Variants in SNTG1 observed in about 807,000 individuals in gnomAD.
SNTG1 encodes the protein gamma-1-syntrophin.
Under a neutral mutation model 74.7 loss-of-function variants are expected in SNTG1, and 39 were observed. The ratio of observed to expected loss-of-function variants is 0.52; its 90% confidence interval spans 0.40 to 0.68. SNTG1 has a LOEUF of 0.68. Ranked by LOEUF, SNTG1 falls within the 30% of genes least tolerant of loss-of-function variation. SNTG1 has a pLI of 0.00. For synonymous variants in SNTG1, 254 were observed against 217.1 expected, an observed-to-expected ratio of 1.17 and a Z score of -1.49; for missense variants, 685 against 609.5, an observed-to-expected ratio of 1.12 and a Z score of -1.30.
chr8:50,762,700 G>C (rs1049842218), intron 18 of SNTG1: 6 of 482,356 alleles, frequency 1.2e-5, no homozygotes, highest in Non-Finnish European at 2.5e-5. Flanking sequence ...AGAGACCATG[G>C]AGATTAGGCC....
chr8:49,922,171 CCA>C (rs1045404250), intron 1 of SNTG1, among the ~76,000 whole-genome samples: 1 of 152,068 alleles, frequency 6.6e-6, no homozygotes, highest in African/African-American at 2.4e-5. Flanking sequence ...CCTGTCTGTT[CCA>C]TCAGAACAAC....
At chr8:50,093,842 A>C (rs1422770089) in intron 1 of SNTG1, among the ~76,000 whole-genome samples, 4 of 152,212 alleles carry the variant, frequency 2.6e-5, no homozygotes, top group Non-Finnish European at 5.9e-5. Flanking sequence ...TGGGATAGGA[A>C]GATGAATACA....
chr8:50,206,957 T>A (rs6999441), intron 2 of SNTG1, among the ~76,000 whole-genome samples: 65,477 of 151,978 alleles, frequency 0.43, 17,851 homozygotes, highest in African/African-American at 0.78. Flanking sequence ...GTGCTGCTGG[T>A]TTTGGTTTGC....
intron 1 of SNTG1, among the ~76,000 whole-genome samples, chr8:49,962,386 A>G (rs112625958): frequency 6.6e-6 from 1 of 151,718 alleles, no homozygotes; most frequent in African/African-American, 2.4e-5. Flanking sequence ...ATTTTGAGTA[A>G]CACACACATA....
chr8:50,258,327 T>C (rs2086982856), intron 2 of SNTG1, among the ~76,000 whole-genome samples: 1 of 152,226 alleles, frequency 6.6e-6, no homozygotes. Context: ...GCTATTTTAA[T>C]GTGTATACAA....
intron 1 of SNTG1, among the ~76,000 whole-genome samples, chr8:50,154,748 C>T (rs1322741665): frequency 1.3e-5 from 2 of 152,128 alleles, no homozygotes; most frequent in Admixed American, 6.5e-5. Flanking sequence ...CTATCAAGGT[C>T]ATAGAAAACA....
In SNTG1 at chr8:50,796,035, G is replaced by T. The variant is rs564987289; in HGVS notation, c.*3206G>T. ...AGTCCATATTAGCCATGCAAAGAGA[G>T]AAATTTTCCTTTGGGTGCATTAGTT... On this transcript the variant is annotated 3_prime_UTR_variant, in exon 19 of 19. Coordinates refer to ENST00000642720, the MANE Select transcript of SNTG1 (RefSeq NM_018967.5). 2 of 152,034 alleles carry T rather than the reference G, an allele frequency of 1.3e-5. No homozygotes were observed. Among genetic ancestry groups the T allele is most frequent in the Non-Finnish European group, 2.9e-5 (2 of 67,978 alleles). 9.4% of individuals were successfully genotyped at this position (152,034 alleles called of 1,614,324 possible). A position where few individuals can be genotyped will look rare whatever the true frequency, so the allele number is the denominator to read the frequency against.
At chr8:50,755,053 A>C (rs2095576875) in intron 18 of SNTG1, among the ~76,000 whole-genome samples, 1 of 151,764 alleles carries the variant, frequency 6.6e-6, no homozygotes, top group African/African-American at 2.4e-5. Context: ...TCTGTAGTCA[A>C]CATCCCCCAC....
At chr8:50,050,450 C>A (rs913170790) in intron 1 of SNTG1, among the ~76,000 whole-genome samples, 1 of 151,902 alleles carries the variant, frequency 6.6e-6, no homozygotes, top group Non-Finnish European at 1.5e-5. Flanking sequence ...GAAATTTAAT[C>A]AATAATTAAT....
chr8:50,402,923 A>G (rs1422166000), intron 4 of SNTG1, among the ~76,000 whole-genome samples: 1 of 152,224 alleles, frequency 6.6e-6, no homozygotes, highest in Non-Finnish European at 1.5e-5. Context: ...TAACTTCAGA[A>G]AGAGCCATAA....
intron 1 of SNTG1, among the ~76,000 whole-genome samples, chr8:50,089,303 C>T (rs1486267383): frequency 8.6e-5 from 13 of 151,742 alleles, no homozygotes; most frequent in Non-Finnish European, 7.4e-5. Context: ...CATAAAAACC[C>T]TAGAAGAAAA....
intron 18 of SNTG1, among the ~76,000 whole-genome samples, chr8:50,784,518 A>G (rs1346426194): frequency 1.3e-5 from 2 of 152,200 alleles, no homozygotes; most frequent in Non-Finnish European, 2.9e-5. Flanking sequence ...TTTGATGATA[A>G]CAGAGCTCCA....
intron 1 of SNTG1, among the ~76,000 whole-genome samples, chr8:50,161,171 A>T (rs1309888315): frequency 6.6e-6 from 1 of 152,234 alleles, no homozygotes; most frequent in Non-Finnish European, 1.5e-5. Context: ...ACATGATCAC[A>T]TAAGTTGAAA....
At chr8:50,506,907 T>C (rs2094011615) in intron 9 of SNTG1, among the ~76,000 whole-genome samples, 2 of 152,102 alleles carry the variant, frequency 1.3e-5, no homozygotes, top group Non-Finnish European at 1.5e-5. Flanking sequence ...AGGGAAAGCT[T>C]TCAGTTTTCC....
chr8:50,790,890 C>A (rs1314810634), intron 18 of SNTG1, among the ~76,000 whole-genome samples: 1 of 151,716 alleles, frequency 6.6e-6, no homozygotes. Context: ...AATATAACCT[C>A]TATTTTAATA....
At chr8:49,996,040 C>G (rs568380665) in intron 1 of SNTG1, among the ~76,000 whole-genome samples, 1 of 152,126 alleles carries the variant, frequency 6.6e-6, no homozygotes, top group Middle Eastern at 3.4e-3. Flanking sequence ...AAGATGAAAC[C>G]TTAGAAATTA....
At chr8:49,980,779 A>T (rs2130131338) in intron 1 of SNTG1, among the ~76,000 whole-genome samples, 1 of 152,246 alleles carries the variant, frequency 6.6e-6, no homozygotes, top group Admixed American at 6.5e-5. Flanking sequence ...ATTCAATAAA[A>T]AGTATTCTTT....
intron 1 of SNTG1, among the ~76,000 whole-genome samples, chr8:50,039,654 C>T (rs546659219): frequency 1.3e-5 from 2 of 151,704 alleles, no homozygotes; most frequent in Admixed American, 6.6e-5. Context: ...ATTTTTTTTG[C>T]CTATAGAGTA....
At chr8:50,158,586 T>A (rs1242714515) in intron 1 of SNTG1, among the ~76,000 whole-genome samples, 1 of 152,200 alleles carries the variant, frequency 6.6e-6, no homozygotes, top group Non-Finnish European at 1.5e-5. Context: ...AACTATGCAA[T>A]TATTGAATAC....
Sources: gnomAD v4.1 joint callset for allele counts (sites outside exome capture counted in the v4.1 genomes callset) on GRCh38, gnomAD v4.1.1 for gene constraint, MANE v1.5 for transcripts, NCBI Gene and HGNC (gene_info 2026-07-23, HGNC 2026-07-21) for gene names.